The following CRACDL variants were observed in gnomAD, a reference collection of about 807,000 sequenced individuals.
CRACDL encodes CRACD-like protein.
CRACDL carries 26 observed loss-of-function variants against 70.6 expected under a neutral mutation model. The observed-to-expected ratio is 0.37, with a 90% confidence interval of 0.27 to 0.51. The LOEUF (loss-of-function observed/expected upper bound fraction) is 0.51. Among genes scored for constraint, CRACDL ranks in the 20% least tolerant of loss-of-function variants. The pLI, the probability that CRACDL is intolerant of heterozygous loss-of-function variation, is 0.94. For missense variants in CRACDL, 1,283 were observed against 1,376.9 expected (o/e 0.93, Z 1.08); for synonymous variants, 618 against 615.2 (o/e 1.00, Z -0.07).
At chr2:98,808,352 T>C (rs781133176) in intron 7 of CRACDL, among the ~76,000 whole-genome samples, 9 of 152,174 alleles carry the variant, frequency 5.9e-5, no homozygotes, top group Non-Finnish European at 1.3e-4. Context: ...CCTGGGCAGG[T>C]CCACCAAATC....
chr2:98,919,899 T>G (rs1283562966), intron 1 of CRACDL, among the ~76,000 whole-genome samples: 1 of 152,150 alleles, frequency 6.6e-6, no homozygotes, highest in Non-Finnish European at 1.5e-5. Flanking sequence ...ACTGCAGGTA[T>G]GCACCACCAC....
chr2:98,846,615 G>T, intron 2 of CRACDL, 116 bp downstream of exon 2: 1 of 792,036 alleles, frequency 1.3e-6, no homozygotes, highest in Non-Finnish European at 2.2e-6. Context: ...AGCACACTGG[G>T]AACTAAATCC....
chr2:98,805,985 C>T (rs1428127596), intron 7 of CRACDL, among the ~76,000 whole-genome samples: 3 of 152,240 alleles, frequency 2.0e-5, no homozygotes, highest in South Asian at 2.1e-4. Flanking sequence ...CATTAAAAGG[C>T]GAGGGAGTGA....
intron 1 of CRACDL, among the ~76,000 whole-genome samples, chr2:98,916,726 A>G (rs1708675828): frequency 6.6e-6 from 1 of 151,944 alleles, no homozygotes; most frequent in African/African-American, 2.4e-5. Flanking sequence ...TAAAAGTTCT[A>G]TGCACCCTGG....
chr2:98,842,570 C>T (rs1284598454), intron 2 of CRACDL, among the ~76,000 whole-genome samples: 1 of 151,992 alleles, frequency 6.6e-6, no homozygotes, highest in Non-Finnish European at 1.5e-5. Context: ...TCCAACATTC[C>T]CCGCTACCTT....
intron 5 of CRACDL, among the ~76,000 whole-genome samples, chr2:98,827,467 T>A (rs970638931): frequency 6.6e-6 from 1 of 152,170 alleles, no homozygotes; most frequent in Non-Finnish European, 1.5e-5. Context: ...AATTTTTGTA[T>A]TTTTAGTAGA....
intron 7 of CRACDL, among the ~76,000 whole-genome samples, chr2:98,811,019 G>C (rs1704533624): frequency 6.6e-6 from 1 of 151,738 alleles, no homozygotes; most frequent in African/African-American, 2.4e-5. Context: ...GAAAGTGCAA[G>C]CCAAGATGTA....
chr2:98,810,972 A>T (rs1704531115), intron 7 of CRACDL, among the ~76,000 whole-genome samples: 1 of 149,988 alleles, frequency 6.7e-6, no homozygotes, highest in Non-Finnish European at 1.5e-5. Flanking sequence ...CTCTGATATA[A>T]AAAAAAAAAA....
rs192334618 is a variant in CRACDL, at chr2:98,826,310, C to T, written c.735+665G>A. 3.0e-3 allele frequency among the ~76,000 whole-genome samples: 459 copies of T among 152,352 alleles called. 4 individuals carry two copies. The highest frequency in any genetic ancestry group is 0.011 in the African/African-American group (449 of 41,584). On this transcript the variant is annotated intron_variant, in intron 6 of 9. Coordinates refer to ENST00000397899, the MANE Select transcript of CRACDL (RefSeq NM_207362.3). Reference sequence around the variant, plus strand: ...TCCACGCTAGTGTTTCAGCTTCTTTCATTCACTCATTTGTTAATTCACTCA... The same window carrying T: ...TCCACGCTAGTGTTTCAGCTTCTTTTATTCACTCATTTGTTAATTCACTCA...
intron 7 of CRACDL, among the ~76,000 whole-genome samples, chr2:98,816,324 C>T (rs929663885): frequency 4.6e-5 from 7 of 152,152 alleles, no homozygotes; most frequent in Admixed American, 1.3e-4. Flanking sequence ...TTGGTCAGAA[C>T]AGCAAGTCCC....
intron 3 of CRACDL, among the ~76,000 whole-genome samples, chr2:98,836,996 G>A (rs1166373110): frequency 6.6e-6 from 1 of 151,544 alleles, no homozygotes; most frequent in East Asian, 2.0e-4. Context: ...GAGGCAGGAG[G>A]ATGGCGTGAA....
intron 6 of CRACDL, among the ~76,000 whole-genome samples, chr2:98,825,148 G>A (rs983563767): frequency 2.6e-5 from 4 of 152,260 alleles, no homozygotes; most frequent in Admixed American, 1.3e-4. Context: ...CATGACCAAC[G>A]GGCAAAGGGT....
intron 1 of CRACDL, among the ~76,000 whole-genome samples, chr2:98,866,379 G>A (rs183326016): frequency 6.6e-6 from 1 of 150,926 alleles, no homozygotes; most frequent in East Asian, 2.0e-4. Context: ...GCATGGTAGT[G>A]CTCAATAAAT....
Position 98,936,159 on chromosome 2 carries a change from T to G in CRACDL, c.-232A>C, listed in dbSNP as rs1437142864. The stretch of plus-strand genomic sequence containing the variant: ...TACCCTCCCGCGGCCGGCCCGGCCC[T>G]GCGCCCGGCGCGCTCCCAGCTCCCA... On this transcript the variant is annotated 5_prime_UTR_variant, in exon 1 of 10. Transcript: ENST00000397899. The G allele has an allele frequency of 6.6e-6, 1 of 151,004 alleles. No homozygotes were observed. Among genetic ancestry groups the G allele is most frequent in the Non-Finnish European group, 1.5e-5 (1 of 67,662 alleles). 9.4% of individuals were successfully genotyped at this position (151,004 alleles called of 1,614,324 possible). A position where few individuals can be genotyped will look rare whatever the true frequency, so the allele number is the denominator to read the frequency against.
At chr2:98,912,436 C>T (rs1041753492) in intron 1 of CRACDL, among the ~76,000 whole-genome samples, 1 of 152,252 alleles carries the variant, frequency 6.6e-6, no homozygotes, top group East Asian at 1.9e-4. Flanking sequence ...CCTGGCCACA[C>T]CCATGCAGGG....
intron 7 of CRACDL, among the ~76,000 whole-genome samples, chr2:98,820,493 C>T (rs1183832497): frequency 6.6e-6 from 1 of 152,178 alleles, no homozygotes; most frequent in Non-Finnish European, 1.5e-5. Context: ...AAGATCGTAC[C>T]ACTGCATTCC....
rs148318343 is a variant in CRACDL, at chr2:98,869,869, A to G, written c.-10-23059T>C. Reference sequence around the variant, plus strand: ...TAACTGCTTTCCTGGGGCCTTCCCAATGCTCCTTTACCAGGGACCTGCTTG... The same window carrying G: ...TAACTGCTTTCCTGGGGCCTTCCCAGTGCTCCTTTACCAGGGACCTGCTTG... On this transcript the variant is annotated intron_variant, in intron 1 of 9. Transcript: ENST00000397899. Among the ~76,000 whole-genome samples, 807 of 152,154 alleles carry G rather than the reference A, an allele frequency of 5.3e-3. 7 individuals carry two copies. The highest frequency in any genetic ancestry group is 0.017 in the African/African-American group (718 of 41,492).
chr2:98,820,467 G>C (rs1021877157), intron 7 of CRACDL, among the ~76,000 whole-genome samples: 10 of 152,174 alleles, frequency 6.6e-5, no homozygotes, highest in Non-Finnish European at 2.9e-5. Flanking sequence ...CCGGCAGGTG[G>C]AGGTTGCAGT....
chr2:98,810,515 G>T (rs116366550), intron 7 of CRACDL, among the ~76,000 whole-genome samples: 250 of 152,232 alleles, frequency 1.6e-3, no homozygotes, highest in African/African-American at 5.7e-3. Flanking sequence ...AGGCTGGCAT[G>T]GGGACGTGGG....
Sources: allele counts gnomAD v4.1 joint callset (sites outside exome capture counted in the v4.1 genomes callset), GRCh38; gene constraint gnomAD v4.1.1; transcripts MANE v1.5; gene names NCBI Gene and HGNC (gene_info 2026-07-23, HGNC 2026-07-21).